Variants in FBP1 observed in about 807,000 individuals in gnomAD.
FBP1 encodes the protein fructose-1,6-bisphosphatase 1.
FBP1 carries 22 observed loss-of-function variants against 29.9 expected under a neutral mutation model. The ratio of observed to expected loss-of-function variants is 0.74; its 90% CI spans 0.53 to 1.05. The LOEUF (loss-of-function observed/expected upper bound fraction) is 1.05, where lower values mean the gene tolerates loss of function less well. Among genes scored for constraint, FBP1 ranks in the 50% least tolerant of loss-of-function variants. FBP1 has a pLI of 0.00. For missense variants in FBP1, 345 were observed against 448.2 expected (o/e 0.77, Z 2.08); for synonymous variants, 175 against 178.6 (o/e 0.98, Z 0.16).
chr9:94,605,376 A>C, intron 6 of FBP1, 81 bp downstream of exon 6: 1 of 1,508,050 alleles, frequency 6.6e-7, no homozygotes, highest in Non-Finnish European at 9.1e-7. Context: ...TAGCTAGCAA[A>C]ACCTTTCTTC....
chr9:94,610,011 G>T lies in FBP1; in HGVS notation c.477C>A (p.Asn159Lys), dbSNP rs199531187. The T allele has an allele frequency of 4.3e-6, 7 of 1,614,176 alleles. No individual in the cohort carries two copies. Among genetic ancestry groups the T allele is most frequent in the South Asian group, 1.1e-5 (1 of 91,078 alleles). The change falls in exon 4 of 7, where the codon AAC (asparagine) becomes AAA (lysine). Residue 159 changes from asparagine to lysine, a missense_variant. Physicochemically the swap from Asn to Lys is moderately conservative, Grantham distance 94. Transcript: ENST00000375326. ...ACAGTGCGTAGCCGGCTGCCACCAG[G>T]TTCCGGCCTGGTTGCAGAGCATCCT... ...SEKDALQPGRNLVAAGYALYG... is the reference protein window; with the variant it reads ...SEKDALQPGRKLVAAGYALYG...
intron 1 of FBP1, among the ~76,000 whole-genome samples, chr9:94,624,101 C>T (rs1364242685): frequency 2.0e-5 from 3 of 151,196 alleles, no homozygotes; most frequent in South Asian, 2.1e-4. Context: ...TTTGGGAGGC[C>T]GAGGTGGGTG....
intron 1 of FBP1, among the ~76,000 whole-genome samples, chr9:94,624,035 G>A (rs1411978955): frequency 6.6e-6 from 1 of 152,080 alleles, no homozygotes; most frequent in African/African-American, 2.4e-5. Context: ...AATGTTTTTC[G>A]TAAGAATGGG....
At chr9:94,633,533 T>C (rs1828141618) in intron 1 of FBP1, among the ~76,000 whole-genome samples, 1 of 152,132 alleles carries the variant, frequency 6.6e-6, no homozygotes, top group South Asian at 2.1e-4. Context: ...TTTGGTCAAA[T>C]TGAGTGGGCA....
At chr9:94,626,018 C>T (rs981009711) in intron 1 of FBP1, among the ~76,000 whole-genome samples, 3 of 152,208 alleles carry the variant, frequency 2.0e-5, no homozygotes, top group Non-Finnish European at 4.4e-5. Flanking sequence ...ACCTGCTTCG[C>T]GTTTCCATGA....
In FBP1 at chr9:94,620,386, C is replaced by T. The variant is rs16910744; in HGVS notation, c.276G>A (p.Thr92=). ...VMNMLKSSFA[T]CVLVSEEDKH... ...TATCTTCTTCTGACACGAGAACACA[C>T]GTGGCAAAGGATGACTTTAACATGT... The change falls in exon 2 of 7, where the codon ACG becomes ACA. Residue 92 remains threonine, a synonymous_variant. Transcript: ENST00000375326. 1.9e-5 allele frequency: 30 copies of T among 1,614,052 alleles called. No homozygotes were observed. Among genetic ancestry groups the T allele is most frequent in the Admixed American group, 1.3e-4 (8 of 60,008 alleles).
chr9:94,620,201 A>G, intron 2 of FBP1, 128 bp downstream of exon 2: 1 of 926,502 alleles, frequency 1.1e-6, no homozygotes, highest in Non-Finnish European at 1.8e-6. Context: ...GGAAGCTATG[A>G]AAAGACCACA....
intron 1 of FBP1, among the ~76,000 whole-genome samples, chr9:94,628,450 A>G (rs1219637696): frequency 6.6e-6 from 1 of 151,978 alleles, no homozygotes; most frequent in Non-Finnish European, 1.5e-5. Context: ...CCTTTTCTGT[A>G]TTGGGCCTAA....
chr9:94,620,569 G>T, intron 1 of FBP1, 78 bp from the exon 2 acceptor site: 1 of 1,382,672 alleles, frequency 7.2e-7, no homozygotes, highest in Non-Finnish European at 1.0e-6. Flanking sequence ...CACCAAAAGT[G>T]AGTGTTCGGT....
intron 5 of FBP1, among the ~76,000 whole-genome samples, chr9:94,606,316 G>A (rs1255605753): frequency 6.6e-6 from 1 of 152,198 alleles, no homozygotes; most frequent in African/African-American, 2.4e-5. Context: ...TCTCGGTCTC[G>A]AGATAACTGA....
rs567082915 is a variant in FBP1 at position 94,611,269 on chromosome 9, A to G, written c.427-1208T>C. On this transcript the variant is annotated intron_variant, in intron 3 of 6. Coordinates refer to ENST00000375326, the MANE Select transcript of FBP1 (RefSeq NM_000507.4). ...GCTTGAATTAAGCAGAAATAAAAAT[A>G]TGCAATTTCTCGAACTTCACTTATT... Among the ~76,000 whole-genome samples the G allele has an allele frequency of 3.3e-5, 5 of 152,336 alleles. No individual in the cohort carries two copies. The East Asian group carries it at 9.6e-4, about 29-fold the overall frequency.
Position 94,639,148 on chromosome 9 carries a change from C to A in FBP1, c.163G>T (p.Ala55Ser). Residue 55 changes from alanine (A) to serine (S), a missense_variant, in exon 1 of 7, where the codon GCG (alanine) becomes TCG (serine). Coordinates refer to ENST00000375326, the MANE Select transcript of FBP1 (RefSeq NM_000507.4). ...GCCCAAGGCCCGACTCACAGGTGCG[C>A]GATGCCCGCCTTGCGCACCGCCGAA... Reference protein sequence around the residue: ...ISSAVRKAGIAHLYGIAGSTN... With the variant: ...ISSAVRKAGISHLYGIAGSTN... 1 of 1,599,422 alleles carries A rather than the reference C, an allele frequency of 6.3e-7. No individual in the cohort carries two copies. The highest frequency in any genetic ancestry group is 8.5e-7 in the Non-Finnish European group (1 of 1,173,622).
chr9:94,635,545 T>C (rs1828179393), intron 1 of FBP1, among the ~76,000 whole-genome samples: 1 of 152,218 alleles, frequency 6.6e-6, no homozygotes, highest in African/African-American at 2.4e-5. Context: ...TAACAAGATC[T>C]TTGCAGGAAT....
At chr9:94,608,642 A>T (rs1827736373) in intron 4 of FBP1, among the ~76,000 whole-genome samples, 1 of 147,960 alleles carries the variant, frequency 6.8e-6, no homozygotes, top group Non-Finnish European at 1.5e-5. Context: ...ACATTTGGCG[A>T]CTTTAACTAG....
chr9:94,628,176 C>T (rs895234586), intron 1 of FBP1, among the ~76,000 whole-genome samples: 3 of 152,206 alleles, frequency 2.0e-5, no homozygotes, highest in African/African-American at 4.8e-5. Flanking sequence ...CACTTGAGGA[C>T]AGGAGTTCGA....
intron 3 of FBP1, among the ~76,000 whole-genome samples, chr9:94,613,087 G>C (rs1827809145): frequency 6.6e-6 from 1 of 152,150 alleles, no homozygotes; most frequent in Non-Finnish European, 1.5e-5. Flanking sequence ...GGAGGGCCTG[G>C]GGGAGGAGAG....
At chr9:94,623,584 G>A (rs1827979275) in intron 1 of FBP1, among the ~76,000 whole-genome samples, 1 of 152,242 alleles carries the variant, frequency 6.6e-6, no homozygotes, top group Admixed American at 6.5e-5. Context: ...CACGGATGAG[G>A]CACTGAGGCA....
chr9:94,639,080 G>T (rs1322463690), intron 1 of FBP1, 61 bp downstream of exon 1: 2 of 1,527,134 alleles, frequency 1.3e-6, no homozygotes, highest in Non-Finnish European at 1.8e-6. Context: ...ACGTCAGCCC[G>T]CCGGGCAGGC....
chr9:94,604,250 A>T lies in FBP1; in HGVS notation c.826-678T>A, dbSNP rs200900612. On this transcript the variant is annotated intron_variant, in intron 6 of 6. Transcript: ENST00000375326. ...TAGTTTTGAAAAACCAAAAAAAAAA[A>T]GAAGGAGCCTCAATATTTGTGTTCA... 1.4e-3 allele frequency among the ~76,000 whole-genome samples: 202 copies of T among 147,762 alleles called. 6 individuals are homozygous for T. The South Asian group carries it at 0.041, about 30-fold the overall frequency.
Sources: gnomAD v4.1 joint callset for allele counts (sites outside exome capture counted in the v4.1 genomes callset) on GRCh38, gnomAD v4.1.1 for gene constraint, MANE v1.5 for transcripts, NCBI Gene and HGNC (gene_info 2026-07-23, HGNC 2026-07-21) for gene names.